MLST8: variants seen among roughly 807,000 people sequenced by gnomAD.
MLST8 encodes target of rapamycin complex subunit LST8.
A neutral mutation model predicts 41.3 loss-of-function variants in MLST8; 20 were observed. That is an observed-to-expected ratio of 0.48 (90% CI 0.34 to 0.70). MLST8 has a LOEUF of 0.70. Ranked by LOEUF, MLST8 falls within the 30% of genes least tolerant of loss-of-function variation. The pLI is 0.01. For synonymous variants in MLST8, 243 were observed against 183.0 expected, an observed-to-expected ratio of 1.33 and a Z score of -2.65; for missense variants, 422 against 454.3, an observed-to-expected ratio of 0.93 and a Z score of 0.65.
intron 6 of MLST8, chr16:2,207,799 G>A (rs1329046161): frequency 1.3e-5 from 3 of 228,896 alleles, no homozygotes; most frequent in East Asian, 2.3e-4. Context: ...CTGCTGTGGC[G>A]TGGCCCCTGC....
rs757910498 is a variant in MLST8 at position 2,208,604 on chromosome 16, A to C, written c.853A>C (p.Ile285Leu). The stretch of plus-strand genomic sequence containing the variant: ...CGCCTTCTCGGGGGACTCCCAGTAC[A>C]TCGTCACTGGTGAGCCCCGCCCTGG... ...GCAFSGDSQY[I>L]VTASSDNLAR... The change falls in exon 8 of 9, where the codon ATC (isoleucine) becomes CTC (leucine). Residue 285 changes from isoleucine (I) to leucine (L), a missense_variant. By Grantham distance (5) the Ile-to-Leu change is conservative. Transcript: ENST00000569417. 3.1e-6 allele frequency: 5 copies of C among 1,612,222 alleles called. No individual in the cohort carries two copies. In the African/African-American group the frequency reaches 4.0e-5, roughly 13 times the overall value.
intron 1 of MLST8, 169 bp downstream of exon 1, chr16:2,205,681 G>A (rs955689570): frequency 1.0e-6 from 1 of 991,180 alleles, no homozygotes; most frequent in African/African-American, 1.7e-5. Context: ...CCGCTGGCCT[G>A]CTACGCATGC....
At chr16:2,208,717 C>A (rs1202237246) in intron 8 of MLST8, 42 bp from the exon 9 acceptor site, 2 of 1,613,434 alleles carry the variant, frequency 1.2e-6, no homozygotes, top group Admixed American at 3.3e-5. Context: ...GCCTGCTTGG[C>A]CTGCACCTGC....
rs2093358120 is a variant in MLST8, at chr16:2,209,284, G to A, written c.*407G>A. On this transcript the variant is annotated 3_prime_UTR_variant, in exon 9 of 9. Transcript: ENST00000569417. ...TGGAAGGGTTTATTAGTCCCTGCCAGCAGCTGTCCTCCCTGGTGCAGGTGG... is the reference window on the plus strand; with the variant it reads ...TGGAAGGGTTTATTAGTCCCTGCCAACAGCTGTCCTCCCTGGTGCAGGTGG... The A allele has an allele frequency of 6.8e-6, 9 of 1,320,970 alleles. No homozygotes were observed. The South Asian group carries it at 1.0e-4, about 15-fold the overall frequency. 81.8% of individuals were successfully genotyped at this position (1,320,970 alleles called of 1,614,324 possible).
chr16:2,208,915 C>G lies in MLST8; in HGVS notation c.*38C>G. 1 of 1,603,430 alleles carries G rather than the reference C, an allele frequency of 6.2e-7. No homozygotes were observed. The highest frequency in any genetic ancestry group is 8.5e-7 in the Non-Finnish European group (1 of 1,174,994). The stretch of plus-strand genomic sequence containing the variant: ...CGGGACTGCCTGGTGCAGGTGGTGG[C>G]AGCTGGAGGGACCCATGCAGCACCC... On this transcript the variant is annotated 3_prime_UTR_variant, in exon 9 of 9. Coordinates refer to ENST00000569417, the MANE Select transcript of MLST8 (RefSeq NM_022372.6).
intron 1 of MLST8, chr16:2,205,739 C>T (rs1239131451): frequency 7.9e-6 from 8 of 1,013,784 alleles, no homozygotes; most frequent in Non-Finnish European, 1.2e-6. Flanking sequence ...GCCTTGCGCA[C>T]GCGCAGCCCG....
intron 6 of MLST8, chr16:2,207,612 G>C (rs1472408073): frequency 2.0e-6 from 1 of 509,864 alleles, no homozygotes; most frequent in Non-Finnish European, 3.5e-6. Context: ...CCTGGTCCCA[G>C]TCACCCTTGT....
In MLST8 at chr16:2,208,127, C is replaced by T. The variant is rs947416147; in HGVS notation, c.574-83C>T. 3.3e-6 allele frequency: 5 copies of T among 1,496,576 alleles called. No homozygotes were observed. In the Admixed American group the frequency reaches 8.4e-5, roughly 25 times the overall value. The allele number at this position is 1,496,576 out of a possible 1,614,324, so 92.7% of individuals were successfully genotyped here. ...CGGGGTCCCCATGCACAGTTGGCCC[C>T]CAGTGTTGGCCCCCAGGGCATCCTT... On this transcript the variant is annotated intron_variant, in intron 6 of 8. Coordinates refer to ENST00000569417, the MANE Select transcript of MLST8 (RefSeq NM_022372.6).
At position 2,206,173 on chromosome 16, in the gene MLST8, C is replaced by T. The variant is rs2093283033; in HGVS notation, c.88C>T (p.His30Tyr). ...YDHTVRFWQAHSGICTRTVQH... is the reference protein window; with the variant it reads ...YDHTVRFWQAYSGICTRTVQH... ...CCACACCGTGCGCTTCTGGCAGGCC[C>T]ACAGCGGCATCTGCACCCGGACGGT... is the stretch of plus-strand genomic sequence containing the variant. Residue 30 changes from histidine (H) to tyrosine (Y), a missense_variant, in exon 2 of 9, where the codon CAC (histidine) becomes TAC (tyrosine). His to Tyr is a moderately conservative substitution (Grantham distance 83). Transcript: ENST00000569417. The T allele has an allele frequency of 6.2e-7, 1 of 1,611,440 alleles. No individual in the cohort carries two copies. Among genetic ancestry groups the T allele is most frequent in the Non-Finnish European group, 8.5e-7 (1 of 1,179,326 alleles).
rs369716099 is a variant in MLST8 at position 2,207,185 on chromosome 16, C to A, written c.421-8C>A. The A allele has an allele frequency of 4.2e-5, 68 of 1,613,430 alleles. No individual in the cohort carries two copies. Among genetic ancestry groups the A allele is most frequent in the Non-Finnish European group, 5.5e-5 (65 of 1,179,586 alleles). Reference sequence around the variant, plus strand: ...CTTGGGCCCTGCCTCACCACCCCTGCACCCCAGGCAGAGCTCATCGTGGGT... The same window carrying A: ...CTTGGGCCCTGCCTCACCACCCCTGAACCCCAGGCAGAGCTCATCGTGGGT... On this transcript the variant is annotated splice_region_variant and splice_polypyrimidine_tract_variant and intron_variant, in intron 5 of 8. Transcript: ENST00000569417.
In MLST8 at chr16:2,206,627, C is replaced by T. The variant is rs766765908; in HGVS notation, c.312C>T (p.Gly104=). The change falls in exon 4 of 9, where the codon GGC becomes GGT. Residue 104 remains glycine (G), a synonymous_variant. Coordinates refer to ENST00000569417, the MANE Select transcript of MLST8 (RefSeq NM_022372.6). ...HEDGRWMYTG[G]EDCTARIWDL... ...ACGGCCGCTGGATGTACACGGGCGGCGAGGACTGCACAGCCAGGATCTGGG... is the reference window on the plus strand; with the variant it reads ...ACGGCCGCTGGATGTACACGGGCGGTGAGGACTGCACAGCCAGGATCTGGG... 6 of 1,613,208 alleles carry T rather than the reference C, an allele frequency of 3.7e-6. No individual in the cohort carries two copies. Among genetic ancestry groups the T allele is most frequent in the Admixed American group, 3.3e-5 (2 of 59,966 alleles).
chr16:2,208,339 G>A lies in MLST8; in HGVS notation c.698+5G>A, dbSNP rs777538224. The A allele has an allele frequency of 3.1e-6, 5 of 1,605,792 alleles. No individual in the cohort carries two copies. The highest frequency in any genetic ancestry group is 1.3e-5 in the African/African-American group (1 of 74,744). On this transcript the variant is annotated splice_donor_5th_base_variant and intron_variant, in intron 7 of 8. Coordinates refer to ENST00000569417, the MANE Select transcript of MLST8 (RefSeq NM_022372.6). ...TCGCTTCAGCCCCGACTCCACGTGC[G>A]TGCAGGGCCTGCTGGCCCGGGAGGG...
chr16:2,205,956 C>T (rs1203015305), intron 1 of MLST8, 75 bp from the exon 2 acceptor site: 18 of 1,459,282 alleles, frequency 1.2e-5, no homozygotes, highest in Admixed American at 2.4e-5. Flanking sequence ...AAGCGCCATT[C>T]GGCAGCGCCT....
Position 2,206,115 on chromosome 16 carries a change from T to G in MLST8, c.30T>G (p.Ser10Arg). MNTSPGTVG[S>R]DPVILATAGY... is the part of the protein sequence containing the mutation. The stretch of plus-strand genomic sequence containing the variant: ...ACACCTCCCCAGGCACGGTGGGCAG[T>G]GACCCGGTCATCCTGGCCACTGCAG... The change falls in exon 2 of 9, where the codon AGT becomes AGG. Residue 10 changes from serine (S) to arginine (R), a missense_variant. Ser to Arg is a moderately radical substitution (Grantham distance 110). Transcript: ENST00000569417. 1.2e-6 allele frequency: 2 copies of G among 1,609,290 alleles called. No homozygotes were observed. The highest frequency in any genetic ancestry group is 1.7e-6 in the Non-Finnish European group (2 of 1,177,278).
At chr16:2,208,163 C>T (rs771894333) in intron 6 of MLST8, 47 bp from the exon 7 acceptor site, 3 of 1,558,818 alleles carry the variant, frequency 1.9e-6, no homozygotes, top group South Asian at 2.4e-5. Context: ...CCCTGTGTCT[C>T]AGACCTGAGG....
chr16:2,208,868 G>T lies in MLST8; in HGVS notation c.972G>T (p.Val324=). The T allele has an allele frequency of 3.1e-6, 5 of 1,613,352 alleles. No individual in the cohort carries two copies. In the South Asian group the frequency reaches 5.5e-5, roughly 18 times the overall value. Residue 324 remains valine, a synonymous_variant, in exon 9 of 9, where the codon GTG becomes GTT. Coordinates refer to ENST00000569417, the MANE Select transcript of MLST8 (RefSeq NM_022372.6). ...AVVCLAFNDS[V]LG is the part of the protein sequence containing the mutation. ...TCTGCCTGGCCTTCAATGACAGTGT[G>T]CTGGGCTAGCCTGTGACCCCTCGGG...
At position 2,206,069 on chromosome 16, in the gene MLST8, C is replaced by A; in HGVS notation, c.-17C>A. 6.3e-7 allele frequency: 1 copy of A among 1,576,590 alleles called. No individual in the cohort carries two copies. The highest frequency in any genetic ancestry group is 8.6e-7 in the Non-Finnish European group (1 of 1,158,024). ...TGACCCCTGCCGTTCAGCTCTAGGGCCCGTGCAGGCCACACCATGAACACC... is the reference window on the plus strand; with the variant it reads ...TGACCCCTGCCGTTCAGCTCTAGGGACCGTGCAGGCCACACCATGAACACC... On this transcript the variant is annotated 5_prime_UTR_variant, in exon 2 of 9. Transcript: ENST00000569417.
Position 2,209,373 on chromosome 16 carries a change from G to A in MLST8, c.*496G>A, listed in dbSNP as rs1008313244. 1.2e-6 allele frequency: 2 copies of A among 1,612,864 alleles called. No homozygotes were observed. Among genetic ancestry groups the A allele is most frequent in the Non-Finnish European group, 1.7e-6 (2 of 1,179,224 alleles). ...GCCAGGTCGGGGGCTCAGTCTGGGA[G>A]GTAATAAAAGCAGACCGACACGCAG... On this transcript the variant is annotated 3_prime_UTR_variant, in exon 9 of 9. Coordinates refer to ENST00000569417, the MANE Select transcript of MLST8 (RefSeq NM_022372.6).
Position 2,206,671 on chromosome 16 carries a change from A to AGGGGGCGTGCTGCCCGGGGCTGGGGT in MLST8, c.344+16_344+41dup. On this transcript the variant is annotated intron_variant, in intron 4 of 8. Transcript: ENST00000569417. Reference sequence around the variant, plus strand: ...ATCTGGGACCTCAGGTGCGGTGGGGAGGGGGCGTGCTGCCCGGGGCTGGGG... The same window carrying AGGGGGCGTGCTGCCCGGGGCTGGGGT: ...ATCTGGGACCTCAGGTGCGGTGGGGAGGGGGCGTGCTGCCCGGGGCTGGGGTGGGGGCGTGCTGCCCGGGGCTGGGG... 1 of 953,584 alleles carries AGGGGGCGTGCTGCCCGGGGCTGGGGT rather than the reference A, an allele frequency of 1.0e-6. No individual in the cohort carries two copies. Among genetic ancestry groups the AGGGGGCGTGCTGCCCGGGGCTGGGGT allele is most frequent in the East Asian group, 4.6e-5 (1 of 21,562 alleles). 59.1% of individuals were successfully genotyped at this position (953,584 alleles called of 1,614,324 possible).
Sources: gnomAD v4.1 joint callset for allele counts on GRCh38, gnomAD v4.1.1 for gene constraint, MANE v1.5 for transcripts, NCBI Gene and HGNC (gene_info 2026-07-23, HGNC 2026-07-21) for gene names.